The following NFKB1 variants were observed in gnomAD, a reference collection of about 807,000 sequenced individuals.
NFKB1 encodes nuclear factor NF-kappa-B p105 subunit.
Under a neutral mutation model 105.1 loss-of-function variants are expected in NFKB1, and 9 were observed. The observed-to-expected ratio is 0.09, with a 90% CI of 0.05 to 0.15. NFKB1 has a LOEUF of 0.15. Among genes scored for constraint, NFKB1 ranks in the 10% least tolerant of loss-of-function variants. The pLI, the probability that NFKB1 is intolerant of heterozygous loss-of-function variation, is 1.00. For missense variants in NFKB1, 830 were observed against 1,203.7 expected (o/e 0.69, Z 4.59); for synonymous variants, 440 against 442.2 (o/e 1.00, Z 0.06).
chr4:102,592,282 T>A (rs1420308396), intron 11 of NFKB1, among the ~76,000 whole-genome samples: 1 of 152,244 alleles, frequency 6.6e-6, no homozygotes. Context: ...GAATTGACCC[T>A]AGTGTGGAAA....
chr4:102,576,786 T>C, intron 6 of NFKB1, 90 bp from the exon 7 acceptor site: 1 of 1,357,960 alleles, frequency 7.4e-7, no homozygotes, highest in South Asian at 1.4e-5. Context: ...GTGTATTTTT[T>C]TTTAATTTAC....
intron 23 of NFKB1, among the ~76,000 whole-genome samples, chr4:102,614,997 C>T (rs1206882369): frequency 1.3e-5 from 2 of 152,164 alleles, no homozygotes; most frequent in African/African-American, 4.8e-5. Context: ...ACCACCGCCC[C>T]AGGCCAGCCT....
intron 6 of NFKB1, among the ~76,000 whole-genome samples, chr4:102,570,768 A>G (rs1442541287): frequency 6.6e-6 from 1 of 152,212 alleles, no homozygotes; most frequent in African/African-American, 2.4e-5. Context: ...TAGGAATCCA[A>G]CTTACAGGGG....
At chr4:102,577,813 C>T in intron 7 of NFKB1, 3 of 985,568 alleles carry the variant, frequency 3.0e-6, no homozygotes, top group Non-Finnish European at 3.6e-6. Flanking sequence ...GCATTCCACA[C>T]TACATTCCAT....
chr4:102,605,387 A>G (rs1727621701), intron 16 of NFKB1, among the ~76,000 whole-genome samples: 7 of 152,212 alleles, frequency 4.6e-5, no homozygotes. Flanking sequence ...GGTCACCTAC[A>G]CAGCTAGGAG....
Position 102,549,362 on chromosome 4 carries a change from A to G in NFKB1, c.258+11406A>G, listed in dbSNP as rs543880811. On this transcript the variant is annotated intron_variant, in intron 5 of 23. Transcript: ENST00000226574. ...TTATATACATAAAATAATATATATT[A>G]TTCTATTAATATAGATTAATATATG... Among the ~76,000 whole-genome samples, 4 of 148,504 alleles carry G rather than the reference A, an allele frequency of 2.7e-5. No individual in the cohort carries two copies. In the East Asian group the frequency reaches 7.8e-4, roughly 29 times the overall value.
At chr4:102,540,035 C>T (rs576760015) in intron 5 of NFKB1, among the ~76,000 whole-genome samples, 5 of 152,086 alleles carry the variant, frequency 3.3e-5, no homozygotes, top group Non-Finnish European at 7.4e-5. Context: ...AAATATTGTG[C>T]CTTTATGTAT....
At chr4:102,613,138 C>T (rs893816406) in intron 22 of NFKB1, among the ~76,000 whole-genome samples, 5 of 151,976 alleles carry the variant, frequency 3.3e-5, no homozygotes, top group Non-Finnish European at 4.4e-5. Context: ...ACTGTGTAGA[C>T]GTCACTGTAG....
At chr4:102,528,720 G>A (rs1741086632) in intron 2 of NFKB1, among the ~76,000 whole-genome samples, 1 of 152,162 alleles carries the variant, frequency 6.6e-6, no homozygotes, top group Non-Finnish European at 1.5e-5. Flanking sequence ...AAATGAGCCA[G>A]CGGTTACAAT....
chr4:102,564,020 A>G (rs1338562343), intron 5 of NFKB1, among the ~76,000 whole-genome samples: 1 of 151,806 alleles, frequency 6.6e-6, no homozygotes, highest in Non-Finnish European at 1.5e-5. Flanking sequence ...GGGCTTCACC[A>G]TGTTGGCCAG....
intron 16 of NFKB1, among the ~76,000 whole-genome samples, chr4:102,606,038 G>A (rs1310091160): frequency 6.6e-6 from 1 of 152,082 alleles, no homozygotes; most frequent in Non-Finnish European, 1.5e-5. Flanking sequence ...TTACTACTAG[G>A]TGTGCTCAAA....
chr4:102,507,066 G>A (rs1298218048), intron 1 of NFKB1, among the ~76,000 whole-genome samples: 1 of 149,680 alleles, frequency 6.7e-6, no homozygotes, highest in African/African-American at 2.4e-5. Flanking sequence ...TTACAAATAT[G>A]TATATATAAT....
At chr4:102,502,390 G>GCGCGCACACACACACACA (rs1311577382) in intron 1 of NFKB1, among the ~76,000 whole-genome samples, 11 of 105,392 alleles carry the variant, frequency 1.0e-4, no homozygotes, top group African/African-American at 4.2e-4. Flanking sequence ...GCGCGCGCGC[G>GCGCGCACACACACACACA]CACACACACA....
intron 4 of NFKB1, among the ~76,000 whole-genome samples, chr4:102,534,236 A>C (rs941362545): frequency 6.6e-6 from 1 of 152,222 alleles, no homozygotes; most frequent in African/African-American, 2.4e-5. Context: ...ATACGTATGC[A>C]TACAGTTCAC....
chr4:102,592,996 T>C (rs1036968392), intron 11 of NFKB1, among the ~76,000 whole-genome samples: 2 of 152,240 alleles, frequency 1.3e-5, no homozygotes, highest in African/African-American at 2.4e-5. Context: ...AAAGACATTA[T>C]GTCATGCTTT....
chr4:102,541,032 A>G (rs528262392), intron 5 of NFKB1, among the ~76,000 whole-genome samples: 10 of 152,290 alleles, frequency 6.6e-5, no homozygotes, highest in African/African-American at 1.9e-4. Context: ...AGATACATCT[A>G]AAGTTTCTCA....
At chr4:102,608,376 C>G (rs890730746) in intron 19 of NFKB1, among the ~76,000 whole-genome samples, 4 of 152,216 alleles carry the variant, frequency 2.6e-5, no homozygotes, top group African/African-American at 9.7e-5. Context: ...ACTAGAGAGA[C>G]TACCAGATCC....
intron 21 of NFKB1, 32 bp downstream of exon 21, chr4:102,612,142 C>T (rs372750049): frequency 3.1e-5 from 48 of 1,559,784 alleles, no homozygotes; most frequent in Non-Finnish European, 4.2e-5. Context: ...TTCTCTTAAC[C>T]ATTATTATCT....
intron 9 of NFKB1, 29 bp downstream of exon 9, chr4:102,580,668 A>C: frequency 5.8e-5 from 91 of 1,565,032 alleles, no homozygotes; most frequent in Non-Finnish European, 7.3e-5. Flanking sequence ...CTCTGATCTC[A>C]AGAGGTGTGA....
Sources: gnomAD v4.1 joint callset for allele counts (sites outside exome capture counted in the v4.1 genomes callset) on GRCh38, gnomAD v4.1.1 for gene constraint, MANE v1.5 for transcripts, NCBI Gene and HGNC (gene_info 2026-07-23, HGNC 2026-07-21) for gene names.